Variants in EML6 observed in about 807,000 individuals in gnomAD.
EML6 encodes echinoderm microtubule-associated protein-like 6.
Under a neutral mutation model 240.1 loss-of-function variants are expected in EML6, and 154 were observed. That is an observed-to-expected ratio of 0.64 (90% CI 0.56 to 0.73). The LOEUF is 0.73. EML6 is among the 30% of genes least tolerant of loss of function. The pLI, the probability that EML6 is intolerant of heterozygous loss-of-function variation, is 0.00. For missense variants in EML6, 2,964 were observed against 2,474.6 expected (o/e 1.20, Z -4.20); for synonymous variants, 1,148 against 899.0 (o/e 1.28, Z -4.95).
At chr2:54,930,930 C>T (rs940418706) in intron 28 of EML6, among the ~76,000 whole-genome samples, 4 of 151,092 alleles carry the variant, frequency 2.6e-5, no homozygotes, top group African/African-American at 9.7e-5. Flanking sequence ...GAGACTGAAC[C>T]TCAGAGATCA....
At position 54,972,008 on chromosome 2, in the gene EML6, TTTGA is replaced by T. The variant is rs567772488; in HGVS notation, c.*1916_*1919del. On this transcript the variant is annotated 3_prime_UTR_variant, in exon 42 of 42. Transcript: ENST00000356458. ...TAAACATTTTATGTGTCAAATAAAA[TTTGA>T]TTATGTAAACACATTTGTTGACTTT... is the stretch of plus-strand genomic sequence containing the variant. 65 of 152,148 alleles carry T rather than the reference TTTGA, an allele frequency of 4.3e-4. No homozygotes were observed. Among genetic ancestry groups the T allele is most frequent in the African/African-American group, 1.3e-3 (54 of 41,572 alleles). The allele number at this position is 152,148 out of a possible 1,614,324, so 9.4% of individuals were successfully genotyped here.
At chr2:54,833,785 C>T (rs1332491505) in intron 7 of EML6, among the ~76,000 whole-genome samples, 1 of 152,168 alleles carries the variant, frequency 6.6e-6, no homozygotes, top group African/African-American at 2.4e-5. Flanking sequence ...GCAACAACAA[C>T]ACAAGATGAT....
intron 17 of EML6, among the ~76,000 whole-genome samples, chr2:54,885,931 G>C (rs1672107580): frequency 6.6e-6 from 1 of 152,058 alleles, no homozygotes. Context: ...TTTTCAAAGA[G>C]TCAGAGCCCC....
chr2:54,805,877 T>C (rs1279645745), intron 2 of EML6, among the ~76,000 whole-genome samples: 4 of 152,182 alleles, frequency 2.6e-5, no homozygotes, highest in Admixed American at 2.6e-4. Context: ...GGATACCTAG[T>C]TGTTCCAGCA....
chr2:54,890,072 G>A (rs540866607), intron 17 of EML6, among the ~76,000 whole-genome samples: 3 of 152,312 alleles, frequency 2.0e-5, no homozygotes, highest in Non-Finnish European at 2.9e-5. Context: ...ATTGGGTGTT[G>A]AGTGGTTTAT....
chr2:54,840,096 G>T (rs1669362211), intron 7 of EML6, among the ~76,000 whole-genome samples: 1 of 152,166 alleles, frequency 6.6e-6, no homozygotes, highest in African/African-American at 2.4e-5. Context: ...ATGCTGAAGA[G>T]TACAGCATTA....
At chr2:54,873,120 C>G (rs922791018) in intron 16 of EML6, among the ~76,000 whole-genome samples, 2 of 152,224 alleles carry the variant, frequency 1.3e-5, no homozygotes, top group African/African-American at 4.8e-5. Context: ...TTCCCTATTA[C>G]TACTAGAATT....
At chr2:54,792,059 T>TC (rs1669484242) in intron 2 of EML6, among the ~76,000 whole-genome samples, 1 of 152,210 alleles carries the variant, frequency 6.6e-6, no homozygotes, top group Admixed American at 6.5e-5. Context: ...CCCAAAGTCA[T>TC]CTGGTTTTCT....
intron 24 of EML6, among the ~76,000 whole-genome samples, chr2:54,904,019 A>T (rs1369222070): frequency 6.6e-6 from 1 of 152,180 alleles, no homozygotes; most frequent in Non-Finnish European, 1.5e-5. Context: ...ATGCCCACAA[A>T]TGCCATGAGG....
intron 15 of EML6, 86 bp from the exon 16 acceptor site, chr2:54,871,414 T>A: frequency 1.0e-6 from 1 of 1,004,494 alleles, no homozygotes; most frequent in Non-Finnish European, 1.5e-6. Context: ...TTTATCTTGG[T>A]TTCTGAGCAG....
intron 2 of EML6, among the ~76,000 whole-genome samples, chr2:54,761,678 A>G (rs915597727): frequency 1.3e-5 from 2 of 152,212 alleles, no homozygotes; most frequent in Non-Finnish European, 2.9e-5. Flanking sequence ...TAAAATGGTC[A>G]AAAATAGTTG....
intron 2 of EML6, among the ~76,000 whole-genome samples, chr2:54,806,900 T>C (rs898947858): frequency 3.3e-5 from 5 of 152,096 alleles, no homozygotes; most frequent in African/African-American, 1.2e-4. Context: ...GAAACTGTTC[T>C]TTGCCAGTAA....
At chr2:54,871,390 A>G (rs72808636) in intron 15 of EML6, 110 bp from the exon 16 acceptor site, 92 of 784,206 alleles carry the variant, frequency 1.2e-4, no homozygotes, top group Non-Finnish European at 1.7e-4. Context: ...GGGTCCTTCT[A>G]TTCTCCAAAT....
chr2:54,730,512 A>G (rs770185376), intron 2 of EML6, among the ~76,000 whole-genome samples: 6 of 152,216 alleles, frequency 3.9e-5, no homozygotes, highest in Non-Finnish European at 8.8e-5. Context: ...ATGTCATCCT[A>G]TTGAATTCTC....
At chr2:54,853,581 A>T in intron 10 of EML6, 62 bp from the exon 11 acceptor site, 1 of 1,065,020 alleles carries the variant, frequency 9.4e-7, no homozygotes, top group Non-Finnish European at 1.3e-6. Flanking sequence ...TCAGATCTTT[A>T]TAAAAAATAA....
At chr2:54,946,679 GTATT>G (rs1675709423) in intron 28 of EML6, among the ~76,000 whole-genome samples, 1 of 152,162 alleles carries the variant, frequency 6.6e-6, no homozygotes, top group South Asian at 2.1e-4. Flanking sequence ...TGTCAAGTAA[GTATT>G]CACACCGCTC....
Position 54,954,230 on chromosome 2 carries a change from G to C in EML6, c.4486+74G>C, listed in dbSNP as rs961240785. 16 of 1,368,208 alleles carry C rather than the reference G, an allele frequency of 1.2e-5. No individual in the cohort carries two copies. The African/African-American group carries it at 1.8e-4, about 15-fold the overall frequency. The allele number at this position is 1,368,208 out of a possible 1,614,324, so 84.8% of individuals were successfully genotyped here. On this transcript the variant is annotated intron_variant, in intron 32 of 41. Coordinates refer to ENST00000356458, the MANE Select transcript of EML6 (RefSeq NM_001039753.4). ...TGTCGAGCCTGTGGGCTCGAACCCA[G>C]ATCTGCCTCACTCCGAAGCCTGCCG... is the stretch of plus-strand genomic sequence containing the variant.
chr2:54,822,855 C>T (rs1279613314), intron 5 of EML6, among the ~76,000 whole-genome samples: 1 of 151,936 alleles, frequency 6.6e-6, no homozygotes, highest in Non-Finnish European at 1.5e-5. Flanking sequence ...AAATGGAGAA[C>T]AAAAATTTTA....
At chr2:54,854,298 C>A (rs769568788) in intron 11 of EML6, among the ~76,000 whole-genome samples, 1 of 152,100 alleles carries the variant, frequency 6.6e-6, no homozygotes, top group African/African-American at 2.4e-5. Context: ...ATGGACCTCT[C>A]GTCATAGCAG....
Sources: gnomAD v4.1 joint callset for allele counts (sites outside exome capture counted in the v4.1 genomes callset) on GRCh38, gnomAD v4.1.1 for gene constraint, MANE v1.5 for transcripts, NCBI Gene and HGNC (gene_info 2026-07-23, HGNC 2026-07-21) for gene names.